OR9Q1: variants seen among roughly 807,000 people sequenced by gnomAD.
OR9Q1 encodes olfactory receptor family 9 subfamily Q member 1.
For synonymous variants in OR9Q1, 153 were observed against 148.6 expected (o/e 1.03, Z -0.22); for missense variants, 374 against 378.8 (o/e 0.99, Z 0.11).
intron 2 of OR9Q1, among the ~76,000 whole-genome samples, chr11:58,116,517 G>C (rs1853956297): frequency 6.6e-6 from 1 of 152,068 alleles, no homozygotes; most frequent in African/African-American, 2.4e-5. Context: ...TTAAATTCTT[G>C]CTAACTTAGT....
At chr11:58,026,830 T>C (rs1852979047) in intron 1 of OR9Q1, 1 of 152,190 alleles carries the variant, frequency 6.6e-6, no homozygotes, top group African/African-American at 2.4e-5. Context: ...ATCTTTTTAA[T>C]GAATCAGTGT....
intron 2 of OR9Q1, among the ~76,000 whole-genome samples, chr11:58,175,105 C>CAAAAAAA (rs57623932): frequency 1.4e-5 from 1 of 69,294 alleles, no homozygotes; most frequent in African/African-American, 5.9e-5. Flanking sequence ...GACTCTGTCT[C>CAAAAAAA]AAAAAAAAAA....
intron 2 of OR9Q1, among the ~76,000 whole-genome samples, chr11:58,079,834 G>T (rs964044285): frequency 2.6e-5 from 4 of 152,142 alleles, no homozygotes; most frequent in African/African-American, 9.7e-5. Flanking sequence ...AGGCAAATGA[G>T]CATATCCAAC....
intron 2 of OR9Q1, among the ~76,000 whole-genome samples, chr11:58,103,830 G>A (rs1229815119): frequency 6.6e-6 from 1 of 152,094 alleles, no homozygotes; most frequent in Non-Finnish European, 1.5e-5. Context: ...AAGCACAGTA[G>A]TGTGTTTTAG....
intron 2 of OR9Q1, among the ~76,000 whole-genome samples, chr11:58,127,638 AGAGCTGT>A (rs1457028068): frequency 2.0e-5 from 3 of 152,194 alleles, no homozygotes; most frequent in Non-Finnish European, 4.4e-5. Flanking sequence ...CCAGAGAAGG[AGAGCTGT>A]GAGCTCTTAG....
chr11:58,155,210 A>C (rs1276383646), intron 2 of OR9Q1, among the ~76,000 whole-genome samples: 6 of 152,040 alleles, frequency 3.9e-5, no homozygotes, highest in Admixed American at 1.3e-4. Context: ...ATTTTTTGTG[A>C]GACCTTTCTC....
intron 2 of OR9Q1, among the ~76,000 whole-genome samples, chr11:58,139,250 T>G (rs1018064507): frequency 6.6e-6 from 1 of 151,270 alleles, no homozygotes; most frequent in Non-Finnish European, 1.5e-5. Context: ...TCCCTTTCAC[T>G]TTTATTTTAA....
intron 2 of OR9Q1, among the ~76,000 whole-genome samples, chr11:58,172,165 G>A (rs1854561946): frequency 6.6e-6 from 1 of 152,096 alleles, no homozygotes; most frequent in Non-Finnish European, 1.5e-5. Context: ...GTTATATTTT[G>A]TTTGAATGAT....
At chr11:58,103,708 GAAT>G (rs1345229283) in intron 2 of OR9Q1, among the ~76,000 whole-genome samples, 2 of 152,096 alleles carry the variant, frequency 1.3e-5, no homozygotes, top group Admixed American at 1.3e-4. Context: ...GCATCTGGTG[GAAT>G]AGTCACCTCT....
At chr11:58,061,698 C>G (rs150914344) in intron 2 of OR9Q1, among the ~76,000 whole-genome samples, 94 of 152,282 alleles carry the variant, frequency 6.2e-4, no homozygotes, top group Middle Eastern at 6.8e-3. Context: ...TTTTGGAAAA[C>G]CAGAGTCGGC....
At chr11:58,034,924 C>T (rs1411683473) in intron 1 of OR9Q1, among the ~76,000 whole-genome samples, 3 of 150,854 alleles carry the variant, frequency 2.0e-5, no homozygotes, top group African/African-American at 7.3e-5. Context: ...ACCTCTTGGA[C>T]TTAGGTAATC....
intron 2 of OR9Q1, among the ~76,000 whole-genome samples, chr11:58,111,694 G>T (rs1222847755): frequency 6.6e-6 from 1 of 152,072 alleles, no homozygotes; most frequent in Non-Finnish European, 1.5e-5. Context: ...CATGCCTTCA[G>T]CCTGGGTTGC....
chr11:58,148,375 A>G (rs1330450558), intron 2 of OR9Q1, among the ~76,000 whole-genome samples: 1 of 152,188 alleles, frequency 6.6e-6, no homozygotes, highest in Non-Finnish European at 1.5e-5. Flanking sequence ...ACAGTGCTTC[A>G]GATAAGAGCA....
chr11:58,073,181 G>A, intron 2 of OR9Q1: 1 of 224,998 alleles, frequency 4.4e-6, no homozygotes, highest in Non-Finnish European at 9.8e-6. Context: ...CACAATGAAT[G>A]ACAAACCGGC....
intron 2 of OR9Q1, among the ~76,000 whole-genome samples, chr11:58,169,136 G>A (rs1233012746): frequency 6.6e-6 from 1 of 151,926 alleles, no homozygotes; most frequent in African/African-American, 2.4e-5. Flanking sequence ...CTTTCCTCTG[G>A]CTTCCAGTAT....
chr11:58,137,506 A>G (rs918394139), intron 2 of OR9Q1, among the ~76,000 whole-genome samples: 2 of 152,202 alleles, frequency 1.3e-5, no homozygotes, highest in African/African-American at 4.8e-5. Context: ...TTGCCAAAAA[A>G]TTTATTTAAC....
chr11:58,146,853 G>A (rs911748664), intron 2 of OR9Q1, among the ~76,000 whole-genome samples: 10 of 152,218 alleles, frequency 6.6e-5, no homozygotes, highest in African/African-American at 1.7e-4. Context: ...GCATGAGGGA[G>A]CAGGGCTTAG....
chr11:58,077,690 C>T (rs1853550544), intron 2 of OR9Q1: 1 of 152,192 alleles, frequency 6.6e-6, no homozygotes, highest in Non-Finnish European at 1.5e-5. Context: ...TCAAAGATCA[C>T]AATAATTATC....
intron 2 of OR9Q1, among the ~76,000 whole-genome samples, chr11:58,123,515 C>A (rs1854056669): frequency 6.6e-6 from 1 of 152,168 alleles, no homozygotes; most frequent in Admixed American, 6.5e-5. Flanking sequence ...GTGGCACATG[C>A]ATGCAAGGCC....
Sources: gnomAD v4.1 joint callset for allele counts (sites outside exome capture counted in the v4.1 genomes callset) on GRCh38, gnomAD v4.1.1 for gene constraint, MANE v1.5 for transcripts, NCBI Gene and HGNC (gene_info 2026-07-23, HGNC 2026-07-21) for gene names.